The following CNGA2 variants were observed in gnomAD, a reference collection of about 807,000 sequenced individuals.
CNGA2 encodes cyclic nucleotide gated channel subunit alpha 2.
CNGA2 carries 22 observed loss-of-function variants against 35.9 expected under a neutral mutation model. That is an observed-to-expected ratio of 0.61 (90% CI 0.44 to 0.88). The LOEUF (loss-of-function observed/expected upper bound fraction) is 0.88. Among genes scored for constraint, CNGA2 ranks in the 40% least tolerant of loss-of-function variants. The pLI, the probability that CNGA2 is intolerant of heterozygous loss-of-function variation, is 0.00. For missense variants in CNGA2, 555 were observed against 530.8 expected (o/e 1.05, Z -0.45); for synonymous variants, 217 against 209.2 (o/e 1.04, Z -0.32).
chrX:151,735,108 C>A (rs186194027), intron 1 of CNGA2, among the ~76,000 whole-genome samples, 165 bp downstream of exon 1: 21 of 112,127 alleles, frequency 1.9e-4, no homozygotes, highest in African/African-American at 6.1e-4. Context: ...CTTGACTAGG[C>A]TGGTTTTTCT....
chrX:151,742,964 A>G (rs1357282689), intron 6 of CNGA2, 129 bp from the exon 7 acceptor site: 2 of 72,947 alleles, frequency 2.7e-5, no homozygotes, highest in East Asian at 7.4e-4. Flanking sequence ...ATATATGTAT[A>G]TATATATGTA....
In CNGA2 at chrX:151,738,805, C is replaced by T. The variant is rs373478762; in HGVS notation, c.129C>T (p.Asp43=). ...TCTGCAGGCCACACTCTGCAGCTGA[C>T]GATGACACCTCCTCAGAACTGCAGA... ...RTSSRPHSAA[D]DDTSSELQRL... is the part of the protein sequence containing the mutation. The change falls in exon 3 of 7, where the codon GAC becomes GAT. Residue 43 remains aspartate, a synonymous_variant. Coordinates refer to ENST00000329903, the MANE Select transcript of CNGA2 (RefSeq NM_005140.3). 7.1e-5 allele frequency: 83 copies of T among 1,173,997 alleles called. No homozygotes were observed. The highest frequency in any genetic ancestry group is 5.3e-4 in the African/African-American group (30 of 56,666).
rs1245111653 is a variant in CNGA2, at chrX:151,745,383, G to A, written c.*885G>A. On this transcript the variant is annotated 3_prime_UTR_variant, in exon 7 of 7. Transcript: ENST00000329903. The stretch of plus-strand genomic sequence containing the variant: ...ATCCCTCTCTTTTCACCATATGGTT[G>A]TCCCTCAGTATTCATCAGGGATTGC... 9.0e-6 allele frequency: 1 copy of A among 111,619 alleles called. No homozygotes were observed. The highest frequency in any genetic ancestry group is 1.9e-5 in the Non-Finnish European group (1 of 53,153). The allele number at this position is 111,619 out of a possible 1,213,427, so 9.2% of individuals were successfully genotyped here.
chrX:151,741,343 C>A (rs2015303693), intron 5 of CNGA2, among the ~76,000 whole-genome samples: 1 of 111,956 alleles, frequency 8.9e-6, no homozygotes, highest in Non-Finnish European at 1.9e-5. Flanking sequence ...AGAGAAAATT[C>A]CCTTTCCCTT....
In CNGA2 at chrX:151,743,794, A is replaced by C. The variant is rs1169733027; in HGVS notation, c.1291A>C (p.Asn431His). The change falls in exon 7 of 7, where the codon AAT (asparagine) becomes CAT (histidine). Residue 431 changes from asparagine (N) to histidine (H), a missense_variant. Coordinates refer to ENST00000329903, the MANE Select transcript of CNGA2 (RefSeq NM_005140.3). ...AGTGGATGAGCGAGAAATTCTCAAG[A>C]ATCTGCCAGCCAAGCTCAGGGCTGA... Reference protein sequence around the residue: ...KTVDEREILKNLPAKLRAEIA... With the variant: ...KTVDEREILKHLPAKLRAEIA... 2.5e-6 allele frequency: 3 copies of C among 1,211,524 alleles called. No homozygotes were observed. Among genetic ancestry groups the C allele is most frequent in the Non-Finnish European group, 3.4e-6 (3 of 895,495 alleles).
In CNGA2 at chrX:151,743,226, C is replaced by T. The variant is rs1603010921; in HGVS notation, c.723C>T (p.His241=). 3 of 1,207,015 alleles carry T rather than the reference C, an allele frequency of 2.5e-6. No homozygotes were observed. In the East Asian group the frequency reaches 8.9e-5, roughly 36 times the overall value. ...TGATCTATTTTGCTGTGGACATCCA[C>T]AGCCCTGAGGTGCGCTTCAACCGCC... The part of the protein sequence containing the change: ...TDLIYFAVDI[H]SPEVRFNRLL... Residue 241 remains histidine (H), a synonymous_variant, in exon 7 of 7, where the codon CAC becomes CAT. Coordinates refer to ENST00000329903, the MANE Select transcript of CNGA2 (RefSeq NM_005140.3).
intron 5 of CNGA2, among the ~76,000 whole-genome samples, chrX:151,742,251 C>G (rs990995688): frequency 1.8e-5 from 2 of 112,104 alleles, no homozygotes; most frequent in African/African-American, 6.5e-5. Context: ...ATGGGGCATG[C>G]CGTAATGACT....
Position 151,743,614 on chromosome X carries a change from G to A in CNGA2, c.1111G>A (p.Val371Met), listed in dbSNP as rs781005682. ...CATCTTTGCCACCATCGTGGGAAAT[G>A]TGGGCTCCATGATCTCCAACATGAA... Reference protein sequence around the residue: ...VLIFATIVGNVGSMISNMNAT... With the variant: ...VLIFATIVGNMGSMISNMNAT... Residue 371 changes from valine to methionine, a missense_variant, in exon 7 of 7, where the codon GTG becomes ATG. By Grantham distance (21) the Val-to-Met change is conservative. Coordinates refer to ENST00000329903, the MANE Select transcript of CNGA2 (RefSeq NM_005140.3). 1 of 1,211,544 alleles carries A rather than the reference G, an allele frequency of 8.3e-7. No individual in the cohort carries two copies. Among genetic ancestry groups the A allele is most frequent in the South Asian group, 1.8e-5 (1 of 56,941 alleles).
Position 151,743,739 on chromosome X carries a change from G to T in CNGA2, c.1236G>T (p.Trp412Cys), listed in dbSNP as rs866573072. 4.1e-6 allele frequency: 5 copies of T among 1,211,817 alleles called. No individual in the cohort carries two copies. In the African/African-American group the frequency reaches 8.7e-5, roughly 21 times the overall value. The change falls in exon 7 of 7, where the codon TGG becomes TGT. Residue 412 changes from tryptophan (W) to cysteine (C), a missense_variant. By Grantham distance (215) the Trp-to-Cys change is radical (BLOSUM62 -2). Transcript: ENST00000329903. Reference sequence around the variant, plus strand: ...GGATGGAAGCCAAGGTCATTAGGTGGTTTGACTACTTGTGGACCAATAAGA... The same window carrying T: ...GGATGGAAGCCAAGGTCATTAGGTGTTTTGACTACTTGTGGACCAATAAGA... ...SKGMEAKVIR[W>C]FDYLWTNKKT...
chrX:151,739,133 C>T (rs1221069683), intron 3 of CNGA2, among the ~76,000 whole-genome samples: 2 of 112,690 alleles, frequency 1.8e-5, no homozygotes, highest in African/African-American at 6.4e-5. Context: ...ATATCCTTCC[C>T]GGTAGAGAGA....
chrX:151,735,300 G>T (rs1020529375), intron 1 of CNGA2, among the ~76,000 whole-genome samples: 10 of 111,910 alleles, frequency 8.9e-5, no homozygotes, highest in African/African-American at 2.9e-4. Flanking sequence ...CTCTTTGGTA[G>T]GTACATGGTC....
At chrX:151,741,924 G>A (rs894881864) in intron 5 of CNGA2, among the ~76,000 whole-genome samples, 1 of 111,971 alleles carries the variant, frequency 8.9e-6, no homozygotes, top group African/African-American at 3.2e-5. Flanking sequence ...CCTTTGACTA[G>A]TACACTCACT....
Position 151,743,445 on chromosome X carries a change from C to A in CNGA2, c.942C>A (p.Asp314Glu). ...CCTGGGTTTACCCAAACATCACTGACCCTGAGTATGGCTACCTGGCTAGGG... is the reference window on the plus strand; with the variant it reads ...CCTGGGTTTACCCAAACATCACTGAACCTGAGTATGGCTACCTGGCTAGGG... ...VDTWVYPNIT[D>E]PEYGYLAREY... Residue 314 changes from aspartate (D) to glutamate (E), a missense_variant, in exon 7 of 7, where the codon GAC (aspartate) becomes GAA (glutamate). Physicochemically the swap from Asp to Glu is conservative, Grantham distance 45 (BLOSUM62 2). Coordinates refer to ENST00000329903, the MANE Select transcript of CNGA2 (RefSeq NM_005140.3). 1.7e-6 allele frequency: 2 copies of A among 1,210,793 alleles called. No individual in the cohort carries two copies. The highest frequency in any genetic ancestry group is 5.9e-5 in the East Asian group (2 of 33,807).
intron 5 of CNGA2, among the ~76,000 whole-genome samples, chrX:151,741,578 G>A (rs180930122): frequency 9.8e-5 from 11 of 111,940 alleles, no homozygotes; most frequent in African/African-American, 2.9e-4. Context: ...GGCTAGTGGC[G>A]GACAGTGACT....
In CNGA2 at chrX:151,738,842, G is replaced by C; in HGVS notation, c.166G>C (p.Val56Leu). 8.5e-7 allele frequency: 1 copy of C among 1,177,811 alleles called. No individual in the cohort carries two copies. The highest frequency in any genetic ancestry group is 1.1e-6 in the Non-Finnish European group (1 of 878,057). The change falls in exon 3 of 7, where the codon GTG (valine) becomes CTG (leucine). Residue 56 changes from valine (V) to leucine (L), a missense_variant. Transcript: ENST00000329903. ...CTCAGAACTGCAGAGGCTGGCAGAC[G>C]TGGATGCCCCACAGCAGGGAAGGAG... is the stretch of plus-strand genomic sequence containing the variant. ...TSSELQRLAD[V>L]DAPQQGRSGF...
In CNGA2 at chrX:151,745,018, C is replaced by T. The variant is rs1310002721; in HGVS notation, c.*520C>T. ...TCCTCCCCCATCAGATGCTCCAGCT[C>T]CTGCTCTGTAGATTGATCTGTCTGT... On this transcript the variant is annotated 3_prime_UTR_variant, in exon 7 of 7. Coordinates refer to ENST00000329903, the MANE Select transcript of CNGA2 (RefSeq NM_005140.3). 8.8e-6 allele frequency: 1 copy of T among 113,760 alleles called. No homozygotes were observed. The highest frequency in any genetic ancestry group is 3.2e-5 in the African/African-American group (1 of 30,802). The allele number at this position is 113,760 out of a possible 1,213,427, so 9.4% of individuals were successfully genotyped here. A position where few individuals can be genotyped will look rare whatever the true frequency, so the allele number is the denominator to read the frequency against.
chrX:151,739,339 G>T lies in CNGA2; in HGVS notation c.204-223G>T, dbSNP rs760874451. On this transcript the variant is annotated intron_variant, in intron 3 of 6. Transcript: ENST00000329903. ...TATAGGAAGTCTTCCCAGGACAGCAGTCTCCCCCTGGACTGCATTCAGGGT... is the reference window on the plus strand; with the variant it reads ...TATAGGAAGTCTTCCCAGGACAGCATTCTCCCCCTGGACTGCATTCAGGGT... Among the ~76,000 whole-genome samples, 8 of 112,496 alleles carry T rather than the reference G, an allele frequency of 7.1e-5. No individual in the cohort carries two copies. The South Asian group carries it at 3.0e-3, about 42-fold the overall frequency.
chrX:151,743,694 G>A lies in CNGA2; in HGVS notation c.1191G>A (p.Gln397=), dbSNP rs1257294809. Residue 397 remains glutamine, a synonymous_variant, in exon 7 of 7, where the codon CAG becomes CAA. Transcript: ENST00000329903. ...TCGATGCCGTGAAACACTACATGCA[G>A]TTCCGAAAGGTCAGCAAGGGGATGG... ...AKIDAVKHYM[Q]FRKVSKGMEA... 1 of 1,211,573 alleles carries A rather than the reference G, an allele frequency of 8.3e-7. No homozygotes were observed. The highest frequency in any genetic ancestry group is 1.1e-6 in the Non-Finnish European group (1 of 895,550).
Position 151,740,919 on chromosome X carries a change from C to A in CNGA2, c.482+18C>A, listed in dbSNP as rs372289003. The A allele has an allele frequency of 1.7e-6, 2 of 1,171,211 alleles. No homozygotes were observed. Among genetic ancestry groups the A allele is most frequent in the African/African-American group, 3.6e-5 (2 of 56,311 alleles). ...GTGGCCAGGTGAGCAGGGTGGGGCC[C>A]AGGAGGGGTGGCCAAAGCAACCCAG... On this transcript the variant is annotated intron_variant, in intron 5 of 6. Transcript: ENST00000329903.
Sources: gnomAD v4.1 joint callset for allele counts (sites outside exome capture counted in the v4.1 genomes callset) on GRCh38, gnomAD v4.1.1 for gene constraint, MANE v1.5 for transcripts, NCBI Gene and HGNC (gene_info 2026-07-23, HGNC 2026-07-21) for gene names.